The following GTF2I variants were observed in gnomAD, a reference collection of about 807,000 sequenced individuals.
The protein encoded by GTF2I is general transcription factor IIi.
GTF2I carries 12 observed loss-of-function variants against 67.6 expected under a neutral mutation model. The observed-to-expected ratio is 0.18, with a 90% confidence interval of 0.11 to 0.29. The LOEUF is 0.29. GTF2I is among the 10% of genes least tolerant of loss of function. The pLI, the probability that GTF2I is intolerant of heterozygous loss-of-function variation, is 1.00. For synonymous variants in GTF2I, 149 were observed against 197.0 expected, an observed-to-expected ratio of 0.76 and a Z score of 2.04; for missense variants, 271 against 580.1, an observed-to-expected ratio of 0.47 and a Z score of 5.47.
At chr7:74,747,792 C>CAAAA (rs4028287) in intron 23 of GTF2I, among the ~76,000 whole-genome samples, 1 of 35,328 alleles carries the variant, frequency 2.8e-5, no homozygotes, top group African/African-American at 9.6e-5. Context: ...AACTTTGTCT[C>CAAAA]AAAAAAAAAA....
At position 74,706,382 on chromosome 7, in the gene GTF2I, C is replaced by T. The variant is rs1790695506; in HGVS notation, c.642-8C>T. 7 of 1,612,916 alleles carry T rather than the reference C, an allele frequency of 4.3e-6. No individual in the cohort carries two copies. Among genetic ancestry groups the T allele is most frequent in the Non-Finnish European group, 5.9e-6 (7 of 1,179,108 alleles). On this transcript the variant is annotated splice_polypyrimidine_tract_variant and splice_region_variant and intron_variant, in intron 7 of 34. Coordinates refer to ENST00000573035, the MANE Select transcript of GTF2I (RefSeq NM_032999.4). Reference sequence around the variant, plus strand: ...CGTGGCTTGATCAGGGCTTTCTTCTCCTTGCAGTTGTGGCCCCATCAAAGT... The same window carrying T: ...CGTGGCTTGATCAGGGCTTTCTTCTTCTTGCAGTTGTGGCCCCATCAAAGT...
At chr7:74,662,440 C>T (rs1360513895) in intron 1 of GTF2I, among the ~76,000 whole-genome samples, 3 of 149,226 alleles carry the variant, frequency 2.0e-5, no homozygotes, top group African/African-American at 4.9e-5. Flanking sequence ...GAACTCCTGA[C>T]CTCAGGTGAT....
At chr7:74,749,756 C>CA (rs1353660933) in intron 26 of GTF2I, among the ~76,000 whole-genome samples, 3 of 147,560 alleles carry the variant, frequency 2.0e-5, no homozygotes, top group Non-Finnish European at 4.5e-5. Flanking sequence ...GGCGTGGTGG[C>CA]ACGTGCCTGT....
At chr7:74,727,195 G>A (rs967293948) in intron 12 of GTF2I, 2 of 152,124 alleles carry the variant, frequency 1.3e-5, no homozygotes. Flanking sequence ...TGATTAGCAC[G>A]GCCAGCCAGT....
At chr7:74,706,124 T>G (rs1554401347) in intron 7 of GTF2I, among the ~76,000 whole-genome samples, 1 of 152,146 alleles carries the variant, frequency 6.6e-6, no homozygotes, top group Non-Finnish European at 1.5e-5. Flanking sequence ...TTCACCATAT[T>G]GGCCAGGCTG....
At chr7:74,686,552 T>C (rs1326582719) in intron 1 of GTF2I, among the ~76,000 whole-genome samples, 1 of 152,226 alleles carries the variant, frequency 6.6e-6, no homozygotes, top group Non-Finnish European at 1.5e-5. Context: ...AGAAATACTA[T>C]GAATTTTCAG....
intron 1 of GTF2I, among the ~76,000 whole-genome samples, chr7:74,669,803 T>C (rs1321492713): frequency 1.3e-5 from 2 of 152,280 alleles, no homozygotes; most frequent in East Asian, 3.9e-4. Flanking sequence ...AGTGCGGGGA[T>C]TACAGGTGTG....
intron 10 of GTF2I, among the ~76,000 whole-genome samples, chr7:74,715,415 A>G (rs587660549): frequency 2.6e-5 from 4 of 152,212 alleles, no homozygotes; most frequent in South Asian, 2.1e-4. Context: ...CTTTGAGTGC[A>G]TAAGATGTAT....
intron 10 of GTF2I, 195 bp from the exon 11 acceptor site, chr7:74,716,699 T>C: frequency 2.0e-6 from 1 of 490,334 alleles, no homozygotes; most frequent in South Asian, 3.3e-5. Context: ...AAATAATTTT[T>C]TTAGCTTCCA....
chr7:74,709,709 G>A (rs994381052), intron 8 of GTF2I, among the ~76,000 whole-genome samples: 4 of 150,428 alleles, frequency 2.7e-5, no homozygotes, highest in South Asian at 2.1e-4. Flanking sequence ...GTCTTGCTGT[G>A]TCGCCCAGGC....
chr7:74,658,212 G>C (rs1199910944), intron 1 of GTF2I, 144 bp downstream of exon 1: 6 of 150,628 alleles, frequency 4.0e-5, no homozygotes, highest in Middle Eastern at 3.5e-3. Flanking sequence ...CGCGGTGTGG[G>C]GCCTTGGGGG....
At chr7:74,705,296 A>T in intron 7 of GTF2I, 78 bp downstream of exon 7, 1 of 866,798 alleles carries the variant, frequency 1.2e-6, no homozygotes, top group South Asian at 1.4e-5. Context: ...GAGATATCAG[A>T]ATATTAAAAA....
chr7:74,661,808 C>T (rs1185622162), intron 1 of GTF2I, among the ~76,000 whole-genome samples: 1 of 152,162 alleles, frequency 6.6e-6, no homozygotes, highest in Non-Finnish European at 1.5e-5. Flanking sequence ...TTAAAAGTTT[C>T]ATAAGTCTCC....
chr7:74,715,794 G>T (rs1162404948), intron 10 of GTF2I, among the ~76,000 whole-genome samples: 1 of 152,030 alleles, frequency 6.6e-6, no homozygotes, highest in Non-Finnish European at 1.5e-5. Context: ...AAGTGGAAAA[G>T]AATCCCCAGA....
chr7:74,682,106 C>A (rs1787327972), intron 1 of GTF2I, among the ~76,000 whole-genome samples: 1 of 152,112 alleles, frequency 6.6e-6, no homozygotes, highest in Admixed American at 6.6e-5. Flanking sequence ...CCAGTATAAC[C>A]TTTAGACTTA....
intron 1 of GTF2I, among the ~76,000 whole-genome samples, chr7:74,668,805 C>T (rs1474855456): frequency 6.6e-6 from 1 of 152,030 alleles, no homozygotes; most frequent in African/African-American, 2.4e-5. Flanking sequence ...AACTCCTGAC[C>T]TCGTGATCCA....
chr7:74,708,550 G>A (rs1554401977), intron 8 of GTF2I, among the ~76,000 whole-genome samples: 1 of 152,156 alleles, frequency 6.6e-6, no homozygotes. Context: ...TGATGGGAGG[G>A]CCTGCTTTGG....
In GTF2I at chr7:74,700,634, GGTAA is replaced by G; in HGVS notation, c.586+7_586+10del. The G allele has an allele frequency of 6.2e-7, 1 of 1,613,736 alleles. No homozygotes were observed. Among genetic ancestry groups the G allele is most frequent in the East Asian group, 2.2e-5 (1 of 44,878 alleles). ...TTTTTTAGAGCCAAAGAAGCATGTA[GGTAA>G]GTAAGTGCTTTGCTTCCTTGATAGC... On this transcript the variant is annotated splice_donor_variant and splice_donor_region_variant and intron_variant, in intron 6 of 34. Coordinates refer to ENST00000573035, the MANE Select transcript of GTF2I (RefSeq NM_032999.4). LOFTEE classifies it high-confidence loss of function.
chr7:74,732,262 T>TA (rs1554406882), intron 14 of GTF2I, among the ~76,000 whole-genome samples: 1 of 151,628 alleles, frequency 6.6e-6, no homozygotes, highest in African/African-American at 2.4e-5. Context: ...TAGTCCCAGC[T>TA]ACTCGGGAGG....
Sources: allele counts gnomAD v4.1 joint callset (sites outside exome capture counted in the v4.1 genomes callset), GRCh38; gene constraint gnomAD v4.1.1; transcripts MANE v1.5; gene names NCBI Gene and HGNC (gene_info 2026-07-23, HGNC 2026-07-21).